The following DNAL4 variants were observed in gnomAD, a reference collection of about 807,000 sequenced individuals.
DNAL4 encodes the protein dynein light chain, outer arm 4.
In DNAL4, 10 loss-of-function variants were observed where a neutral mutation model predicts 12.6. That is an observed-to-expected ratio of 0.79 (90% CI 0.49 to 1.34). The LOEUF (loss-of-function observed/expected upper bound fraction) is 1.34, where lower values mean the gene tolerates loss of function less well. DNAL4 is among the 40% of genes most tolerant of loss of function. DNAL4 has a pLI of 0.00. For missense variants in DNAL4, 128 were observed against 138.1 expected, an observed-to-expected ratio of 0.93 and a Z score of 0.37; for synonymous variants, 46 against 53.1, an observed-to-expected ratio of 0.87 and a Z score of 0.58.
chr22:38,780,846 A>G, intron 3 of DNAL4, 80 bp downstream of exon 3: 5 of 1,430,198 alleles, frequency 3.5e-6, no homozygotes, highest in Non-Finnish European at 4.9e-6. Context: ...TCTGGAGCCA[A>G]CTGCAGGGAA....
intron 1 of DNAL4, among the ~76,000 whole-genome samples, chr22:38,788,682 C>T (rs752616685): frequency 7.9e-4 from 121 of 152,332 alleles, no homozygotes; most frequent in Admixed American, 1.4e-3. Flanking sequence ...TATTAGCTCC[C>T]GGAGAACAGC....
chr22:38,787,000 C>A (rs1232339533), intron 1 of DNAL4, among the ~76,000 whole-genome samples: 7 of 152,118 alleles, frequency 4.6e-5, no homozygotes, highest in African/African-American at 1.7e-4. Flanking sequence ...AAAATATCTG[C>A]CAGCCCCCTG....
intron 1 of DNAL4, among the ~76,000 whole-genome samples, chr22:38,786,511 A>C (rs1202065696): frequency 6.6e-6 from 1 of 152,224 alleles, no homozygotes; most frequent in Non-Finnish European, 1.5e-5. Context: ...GTGAGCCAAG[A>C]TCACACCATT....
At chr22:38,785,856 T>TA (rs1200490137) in intron 1 of DNAL4, 2 of 152,246 alleles carry the variant, frequency 1.3e-5, no homozygotes, top group Non-Finnish European at 2.9e-5. Flanking sequence ...TTTGAAACGT[T>TA]AAAGCTCTCT....
intron 1 of DNAL4, among the ~76,000 whole-genome samples, chr22:38,784,745 C>T (rs529791275): frequency 4.6e-5 from 7 of 152,268 alleles, no homozygotes; most frequent in African/African-American, 1.4e-4. Flanking sequence ...GATCTCCTGA[C>T]CTCGTGATCC....
At chr22:38,788,544 T>C (rs2093045747) in intron 1 of DNAL4, among the ~76,000 whole-genome samples, 2 of 152,202 alleles carry the variant, frequency 1.3e-5, no homozygotes, top group Admixed American at 6.5e-5. Context: ...CATTTCCTCA[T>C]GTCCGACACC....
chr22:38,782,337 G>C lies in DNAL4; in HGVS notation c.69+326C>G, dbSNP rs2093035458. On this transcript the variant is annotated intron_variant, in intron 2 of 3. Coordinates refer to ENST00000216068, the MANE Select transcript of DNAL4 (RefSeq NM_005740.3). The surrounding 1 kb of genome is among the most constrained non-coding windows in gnomAD (Gnocchi z 5.1). Reference sequence around the variant, plus strand: ...CTCTGCTCTCCAGCTCCTTCCACCTGCTTCATTTTTCATTATAGTACTTAC... The same window carrying C: ...CTCTGCTCTCCAGCTCCTTCCACCTCCTTCATTTTTCATTATAGTACTTAC... Among the ~76,000 whole-genome samples the C allele has an allele frequency of 6.6e-6, 1 of 152,202 alleles. No homozygotes were observed. Among genetic ancestry groups the C allele is most frequent in the Non-Finnish European group, 1.5e-5 (1 of 68,044 alleles).
chr22:38,791,500 C>T (rs1421894638), intron 1 of DNAL4, among the ~76,000 whole-genome samples: 4 of 151,592 alleles, frequency 2.6e-5, no homozygotes, highest in Non-Finnish European at 4.4e-5. Flanking sequence ...ATTACAGGCA[C>T]GTGCCACCAA....
chr22:38,787,019 G>A (rs1281900946), intron 1 of DNAL4, among the ~76,000 whole-genome samples: 1 of 152,120 alleles, frequency 6.6e-6, no homozygotes, highest in East Asian at 1.9e-4. Context: ...TGGGAGGGGG[G>A]CAGCCATTCA....
chr22:38,792,045 G>A (rs772210988), intron 1 of DNAL4, among the ~76,000 whole-genome samples: 9 of 151,994 alleles, frequency 5.9e-5, no homozygotes, highest in Non-Finnish European at 8.8e-5. Flanking sequence ...AAAAATTTAC[G>A]TAAATTTAGG....
chr22:38,781,415 G>A (rs1206541376), intron 2 of DNAL4, among the ~76,000 whole-genome samples: 1 of 152,130 alleles, frequency 6.6e-6, no homozygotes, highest in Non-Finnish European at 1.5e-5. Flanking sequence ...CTTCTCCATC[G>A]ATCTGCTGGA....
intron 1 of DNAL4, among the ~76,000 whole-genome samples, chr22:38,792,169 G>C (rs1021306247): frequency 2.6e-5 from 4 of 151,644 alleles, no homozygotes; most frequent in African/African-American, 9.7e-5. Flanking sequence ...TGACTCTTTC[G>C]TAGTAACACT....
At position 38,779,547 on chromosome 22, in the gene DNAL4, C is replaced by T. The variant is rs761381966; in HGVS notation, c.220G>A (p.Gly74Ser). Residue 74 changes from glycine (G) to serine (S), a missense_variant, in exon 4 of 4, where the codon GGC becomes AGC. Physicochemically the swap from Gly to Ser is moderately conservative, Grantham distance 56. Transcript: ENST00000216068. The surrounding 1 kb of genome is among the most constrained non-coding windows in gnomAD (Gnocchi z 4.3). ...KFGSSWHVVI[G>S]EGFGFEITHE... Reference sequence around the variant, plus strand: ...GTGATCTCAAACCCAAAGCCCTCGCCGATCACCACGTGCCAGGAGGAGCCG... The same window carrying T: ...GTGATCTCAAACCCAAAGCCCTCGCTGATCACCACGTGCCAGGAGGAGCCG... The T allele has an allele frequency of 1.1e-5, 17 of 1,591,256 alleles. No individual in the cohort carries two copies. Among genetic ancestry groups the T allele is most frequent in the East Asian group, 4.6e-5 (2 of 43,880 alleles).
intron 1 of DNAL4, among the ~76,000 whole-genome samples, chr22:38,784,963 A>G (rs1046409548): frequency 6.8e-6 from 1 of 146,216 alleles, no homozygotes; most frequent in Non-Finnish European, 1.5e-5. Flanking sequence ...TGAGGCTGGA[A>G]GCCTGGCACA....
chr22:38,782,588 G>C lies in DNAL4; in HGVS notation c.69+75C>G. ...CTTCCTCCCACTGCCATCCTGCAAG[G>C]GACAAGCTCCACCCACCTCTCTCCA... On this transcript the variant is annotated intron_variant, in intron 2 of 3. Coordinates refer to ENST00000216068, the MANE Select transcript of DNAL4 (RefSeq NM_005740.3). This position sits in a 1 kb window ranked among gnomAD's most constrained non-coding sequence, Gnocchi z 5.1. 1 of 1,514,366 alleles carries C rather than the reference G, an allele frequency of 6.6e-7. No homozygotes were observed. The highest frequency in any genetic ancestry group is 9.1e-7 in the Non-Finnish European group (1 of 1,100,924). 93.8% of individuals were successfully genotyped at this position (1,514,366 alleles called of 1,614,324 possible).
rs1296312148 is a variant in DNAL4, at chr22:38,778,656, T to C, written c.*793A>G. 6.5e-6 allele frequency: 1 copy of C among 152,752 alleles called. No homozygotes were observed. The allele number at this position is 152,752 out of a possible 1,614,324, so 9.5% of individuals were successfully genotyped here. A position where few individuals can be genotyped will look rare whatever the true frequency, so the allele number is the denominator to read the frequency against. On this transcript the variant is annotated 3_prime_UTR_variant, in exon 4 of 4. Transcript: ENST00000216068. ...CAGCAGAGAGCAGTACAAATCAGCATGCGGTCCCTGATGCGAAGTCGCGGG... is the reference window on the plus strand; with the variant it reads ...CAGCAGAGAGCAGTACAAATCAGCACGCGGTCCCTGATGCGAAGTCGCGGG...
At chr22:38,784,557 C>A (rs972864054) in intron 1 of DNAL4, among the ~76,000 whole-genome samples, 1 of 148,714 alleles carries the variant, frequency 6.7e-6, no homozygotes, top group African/African-American at 2.5e-5. Context: ...GTCGCCCAGG[C>A]TGGAGTGCAG....
intron 1 of DNAL4, among the ~76,000 whole-genome samples, chr22:38,783,355 A>G (rs1250494549): frequency 4.7e-5 from 7 of 148,134 alleles, no homozygotes; most frequent in Non-Finnish European, 8.9e-5. Context: ...CCCTCCCACT[A>G]CATACGCGGG....
chr22:38,793,545 A>C (rs1050383365), intron 1 of DNAL4, among the ~76,000 whole-genome samples: 3 of 152,196 alleles, frequency 2.0e-5, no homozygotes, highest in Non-Finnish European at 4.4e-5. Flanking sequence ...AAGTTGGGTC[A>C]AAGAACAACG....
Sources: gnomAD v4.1 joint callset for allele counts (sites outside exome capture counted in the v4.1 genomes callset) on GRCh38, gnomAD v4.1.1 for gene constraint, Gnocchi (gnomAD v3.1) non-coding constraint, MANE v1.5 for transcripts, NCBI Gene and HGNC (gene_info 2026-07-23, HGNC 2026-07-21) for gene names.